Variants in KSR2 observed in about 807,000 individuals in gnomAD.
The protein encoded by KSR2 is kinase suppressor of ras 2.
Under a neutral mutation model 107.8 loss-of-function variants are expected in KSR2, and 25 were observed. The observed-to-expected ratio is 0.23, with a 90% CI of 0.17 to 0.32. KSR2 has a LOEUF of 0.32. Ranked by LOEUF, KSR2 falls within the 10% of genes least tolerant of loss-of-function variation. The pLI, the probability that KSR2 is intolerant of heterozygous loss-of-function variation, is 1.00. For missense variants in KSR2, 887 were observed against 1,268.9 expected (o/e 0.70, Z 4.57); for synonymous variants, 480 against 507.0 (o/e 0.95, Z 0.71).
chr12:117,916,881 G>A (rs576937357), intron 1 of KSR2, among the ~76,000 whole-genome samples: 3 of 152,264 alleles, frequency 2.0e-5, no homozygotes, highest in Non-Finnish European at 2.9e-5. Context: ...AAAATAGATC[G>A]TATTTAATGT....
chr12:117,488,090 G>C (rs533750566), intron 14 of KSR2, among the ~76,000 whole-genome samples: 11 of 152,228 alleles, frequency 7.2e-5, no homozygotes, highest in African/African-American at 2.4e-4. Context: ...ATAAAGGGGA[G>C]TTCCCCTGCA....
chr12:117,858,404 TA>T (rs1893170104), intron 2 of KSR2, among the ~76,000 whole-genome samples: 1 of 151,942 alleles, frequency 6.6e-6, no homozygotes, highest in African/African-American at 2.4e-5. Context: ...GGGAATGAAA[TA>T]AGGAAATACG....
chr12:117,760,187 T>C (rs572845255), intron 4 of KSR2, among the ~76,000 whole-genome samples: 1 of 152,368 alleles, frequency 6.6e-6, no homozygotes, highest in East Asian at 1.9e-4. Flanking sequence ...TACTCATTTG[T>C]CTACTGATGG....
rs533063654 is a variant in KSR2 at position 117,753,563 on chromosome 12, C to G, written c.986+7448G>C. Among the ~76,000 whole-genome samples, 77 of 152,240 alleles carry G rather than the reference C, an allele frequency of 5.1e-4. 1 individual carries two copies. The South Asian group carries it at 7.9e-3, about 16-fold the overall frequency. On this transcript the variant is annotated intron_variant, in intron 4 of 19. Coordinates refer to ENST00000339824, the MANE Select transcript of KSR2 (RefSeq NM_173598.6). ...TATCCTTGGCAAACTAACACAGGAA[C>G]AGAAAACCAAATACCGCATGTTCTC...
intron 5 of KSR2, among the ~76,000 whole-genome samples, chr12:117,648,075 C>A (rs1232032917): frequency 6.6e-6 from 1 of 152,136 alleles, no homozygotes; most frequent in Non-Finnish European, 1.5e-5. Flanking sequence ...CCATTTATGG[C>A]AGGTCCAATG....
chr12:117,939,809 C>T (rs562344828), intron 1 of KSR2, among the ~76,000 whole-genome samples: 3 of 151,732 alleles, frequency 2.0e-5, no homozygotes, highest in South Asian at 2.1e-4. Flanking sequence ...GGCATGGTTG[C>T]GGGCGCCTAT....
At position 117,860,402 on chromosome 12, in the gene KSR2, C is replaced by T. The variant is rs1893251988; in HGVS notation, c.210G>A (p.Gln70=). The T allele has an allele frequency of 1.2e-6, 2 of 1,611,452 alleles. No homozygotes were observed. The highest frequency in any genetic ancestry group is 3.3e-5 in the Admixed American group (2 of 59,744). The change falls in exon 2 of 20, where the codon CAG becomes CAA. Residue 70 remains glutamine (Q), a synonymous_variant. Coordinates refer to ENST00000339824, the MANE Select transcript of KSR2 (RefSeq NM_173598.6). The stretch of plus-strand genomic sequence containing the variant: ...AGGCTACCTTCTTTTTGCAGGACAG[C>T]TGCCGGCTGAAGTACTTCACCAGCT... ...ESKLVKYFSR[Q]LSCKKKVALQ... is the part of the protein sequence containing the mutation.
In KSR2 at chr12:117,484,964, A is replaced by G. The variant is rs548312649; in HGVS notation, c.2317-415T>C. ...CAGAAGGCAATGAGTTCCTAAAGAG[A>G]TGTTCACAACTGCTCATTAAGAACA... On this transcript the variant is annotated intron_variant, in intron 15 of 19. Transcript: ENST00000339824. Among the ~76,000 whole-genome samples, 10 of 152,318 alleles carry G rather than the reference A, an allele frequency of 6.6e-5. 1 individual carries two copies. The Middle Eastern group carries it at 0.017, about 259-fold the overall frequency.
intron 4 of KSR2, among the ~76,000 whole-genome samples, chr12:117,716,149 G>A (rs368512600): frequency 6.6e-6 from 1 of 152,158 alleles, no homozygotes; most frequent in African/African-American, 2.4e-5. Context: ...AATTTGTTTT[G>A]TGTCACCCTC....
chr12:117,894,920 T>A (rs899542537), intron 1 of KSR2, among the ~76,000 whole-genome samples: 1 of 151,838 alleles, frequency 6.6e-6, no homozygotes, highest in Non-Finnish European at 1.5e-5. Flanking sequence ...AGGTATGTAA[T>A]TATAGCAGTG....
chr12:117,774,795 C>G (rs1444072120), intron 3 of KSR2, among the ~76,000 whole-genome samples: 2 of 152,170 alleles, frequency 1.3e-5, no homozygotes, highest in Non-Finnish European at 2.9e-5. Flanking sequence ...AAAGAAAACC[C>G]TGTCCCCATT....
intron 3 of KSR2, among the ~76,000 whole-genome samples, chr12:117,775,381 A>T (rs1222253729): frequency 1.3e-5 from 2 of 152,258 alleles, no homozygotes; most frequent in Admixed American, 6.5e-5. Context: ...TTAATAAAAC[A>T]TTCTTAGTAA....
chr12:117,755,684 G>T (rs976481796), intron 4 of KSR2, among the ~76,000 whole-genome samples: 1 of 152,286 alleles, frequency 6.6e-6, no homozygotes, highest in South Asian at 2.1e-4. Flanking sequence ...GTGAAAGGAA[G>T]AATTGTACAT....
At chr12:117,642,111 A>G (rs1883400389) in intron 5 of KSR2, among the ~76,000 whole-genome samples, 1 of 152,166 alleles carries the variant, frequency 6.6e-6, no homozygotes, top group Admixed American at 6.5e-5. Flanking sequence ...ATCCCCGGCT[A>G]GATTAGGCAT....
rs1356704774 is a variant in KSR2, at chr12:117,455,034, C to CAGACAGAGAGAG, written c.*12164_*12165insCTCTCTCTGTCT. ...AGAGACAGACACAGAGACAGACAGA[C>CAGACAGAGAGAG]AGAGAGAGAGAGAGAGAGAGAGAGA... On this transcript the variant is annotated 3_prime_UTR_variant, in exon 20 of 20. Coordinates refer to ENST00000339824, the MANE Select transcript of KSR2 (RefSeq NM_173598.6). 4 of 91,634 alleles carry CAGACAGAGAGAG rather than the reference C, an allele frequency of 4.4e-5. No individual in the cohort carries two copies. The South Asian group carries it at 1.4e-3, about 32-fold the overall frequency. 5.7% of individuals were successfully genotyped at this position (91,634 alleles called of 1,614,324 possible).
chr12:117,535,130 A>G lies in KSR2; in HGVS notation c.1688-3423T>C, dbSNP rs752374124. On this transcript the variant is annotated intron_variant, in intron 10 of 19. Coordinates refer to ENST00000339824, the MANE Select transcript of KSR2 (RefSeq NM_173598.6). Reference sequence around the variant, plus strand: ...GTCCAAACCTAGTGCCTAGTACAGTAGCTGGTACACAGTAGATGCGTAATA... The same window carrying G: ...GTCCAAACCTAGTGCCTAGTACAGTGGCTGGTACACAGTAGATGCGTAATA... Among the ~76,000 whole-genome samples, 115 of 152,356 alleles carry G rather than the reference A, an allele frequency of 7.5e-4. 1 individual carries two copies. Among genetic ancestry groups the G allele is most frequent in the Non-Finnish European group, 1.3e-3 (87 of 68,028 alleles).
At chr12:117,604,452 A>G (rs1881120303) in intron 5 of KSR2, among the ~76,000 whole-genome samples, 1 of 152,238 alleles carries the variant, frequency 6.6e-6, no homozygotes, top group African/African-American at 2.4e-5. Context: ...GTTGTATGGT[A>G]ATTCAAAGTT....
intron 1 of KSR2, among the ~76,000 whole-genome samples, chr12:117,883,990 A>C (rs1345504306): frequency 3.3e-5 from 5 of 151,740 alleles, no homozygotes; most frequent in Non-Finnish European, 5.9e-5. Flanking sequence ...TGCCGTGGGG[A>C]GCTTCAGAAG....
intron 4 of KSR2, among the ~76,000 whole-genome samples, chr12:117,692,420 G>T (rs1214479542): frequency 7.4e-6 from 1 of 135,642 alleles, no homozygotes; most frequent in Non-Finnish European, 1.6e-5. Context: ...ATTAAAGATA[G>T]AATTACCATA....
Sources: gnomAD v4.1 joint callset for allele counts (sites outside exome capture counted in the v4.1 genomes callset) on GRCh38, gnomAD v4.1.1 for gene constraint, MANE v1.5 for transcripts, NCBI Gene and HGNC (gene_info 2026-07-23, HGNC 2026-07-21) for gene names.